Variants in ITGBL1 observed in about 807,000 individuals in gnomAD.
The protein encoded by ITGBL1 is integrin beta-like protein 1.
In ITGBL1, 51 loss-of-function variants were observed where a neutral mutation model predicts 68.5. The ratio of observed to expected loss-of-function variants is 0.74; its 90% confidence interval spans 0.59 to 0.94. The LOEUF is 0.94. Among genes scored for constraint, ITGBL1 ranks in the 40% least tolerant of loss-of-function variants. The pLI, the probability that ITGBL1 is intolerant of heterozygous loss-of-function variation, is 0.00. For missense variants in ITGBL1, 649 were observed against 647.4 expected (o/e 1.00, Z -0.03); for synonymous variants, 209 against 227.3 (o/e 0.92, Z 0.72).
intron 3 of ITGBL1, among the ~76,000 whole-genome samples, chr13:101,573,624 A>G (rs1022011463): frequency 3.3e-5 from 5 of 152,124 alleles, no homozygotes; most frequent in African/African-American, 1.2e-4. Context: ...CATATTCATC[A>G]CTTGGTATTG....
intron 2 of ITGBL1, among the ~76,000 whole-genome samples, chr13:101,477,037 G>T (rs1427037165): frequency 6.6e-6 from 1 of 152,034 alleles, no homozygotes; most frequent in Non-Finnish European, 1.5e-5. Flanking sequence ...GCTGCAAAGT[G>T]CACATGCTTC....
intron 6 of ITGBL1, 73 bp from the exon 7 acceptor site, chr13:101,598,080 G>A (rs1042291214): frequency 5.9e-6 from 8 of 1,354,690 alleles, no homozygotes; most frequent in African/African-American, 1.4e-5. Context: ...GACATTTGCT[G>A]TTAGAATGAA....
chr13:101,604,863 T>TAC lies in ITGBL1; in HGVS notation c.1015+6565_1015+6566insCA, dbSNP rs1229883835. ...TGAAGGCAATATATATATATATATA[T>TAC]ATATATATATATATATATATATATA... On this transcript the variant is annotated intron_variant, in intron 7 of 10. Coordinates refer to ENST00000376180, the MANE Select transcript of ITGBL1 (RefSeq NM_004791.3). Among the ~76,000 whole-genome samples the TAC allele has an allele frequency of 4.2e-3, 88 of 20,840 alleles. 3 individuals carry two copies. Among genetic ancestry groups the TAC allele is most frequent in the African/African-American group, 0.011 (82 of 7,800 alleles). 13.7% of individuals were successfully genotyped at this position (20,840 alleles called of 152,430 possible).
At chr13:101,477,388 A>G (rs2048553529) in intron 2 of ITGBL1, among the ~76,000 whole-genome samples, 1 of 152,080 alleles carries the variant, frequency 6.6e-6, no homozygotes, top group Admixed American at 6.6e-5. Flanking sequence ...AAAAAAGTAC[A>G]AAAACTTCAA....
At chr13:101,615,175 C>T (rs1366556629) in intron 7 of ITGBL1, among the ~76,000 whole-genome samples, 1 of 152,116 alleles carries the variant, frequency 6.6e-6, no homozygotes, top group East Asian at 1.9e-4. Context: ...TCTCTCTTCA[C>T]ATGGCTATCT....
rs117406229 is a variant in ITGBL1 at position 101,609,457 on chromosome 13, G to A, written c.1015+11158G>A. 1.1e-3 allele frequency among the ~76,000 whole-genome samples: 163 copies of A among 152,156 alleles called. 3 individuals carry two copies. In the East Asian group the frequency reaches 0.024, roughly 22 times the overall value. On this transcript the variant is annotated intron_variant, in intron 7 of 10. Coordinates refer to ENST00000376180, the MANE Select transcript of ITGBL1 (RefSeq NM_004791.3). ...AATCTCTCAGTCATATGATGAAGCA[G>A]CATTTACTAAGCTAATGACATAATC... is the stretch of plus-strand genomic sequence containing the variant.
At chr13:101,551,438 G>C (rs1386305543) in intron 2 of ITGBL1, among the ~76,000 whole-genome samples, 1 of 152,132 alleles carries the variant, frequency 6.6e-6, no homozygotes, top group African/African-American at 2.4e-5. Context: ...GAACCAGAAG[G>C]CAAAGAAGTC....
intron 2 of ITGBL1, among the ~76,000 whole-genome samples, chr13:101,526,006 TAAC>T (rs1452247607): frequency 2.0e-5 from 3 of 152,074 alleles, no homozygotes; most frequent in East Asian, 1.9e-4. Flanking sequence ...TTTTGAAAAA[TAAC>T]AACCCTATTT....
intron 8 of ITGBL1, among the ~76,000 whole-genome samples, chr13:101,698,421 G>A (rs2034052814): frequency 6.6e-6 from 1 of 152,182 alleles, no homozygotes; most frequent in Non-Finnish European, 1.5e-5. Context: ...GTACCTGAAG[G>A]TGAATGTAAC....
At chr13:101,490,050 ATATT>A (rs2048753909) in intron 2 of ITGBL1, 1 of 1,102,664 alleles carries the variant, frequency 9.1e-7, no homozygotes, top group Non-Finnish European at 1.3e-6. Flanking sequence ...TATGGACTGA[ATATT>A]TGTTTACCCC....
intron 7 of ITGBL1, among the ~76,000 whole-genome samples, chr13:101,639,054 G>T (rs2032275529): frequency 6.6e-6 from 1 of 152,130 alleles, no homozygotes; most frequent in Non-Finnish European, 1.5e-5. Context: ...TGGCTTACAA[G>T]CATATGGTTT....
chr13:101,657,447 C>T (rs1020118866), intron 7 of ITGBL1, among the ~76,000 whole-genome samples: 9 of 152,096 alleles, frequency 5.9e-5, no homozygotes, highest in African/African-American at 2.2e-4. Context: ...CCTCAAGTGC[C>T]CATCAAACAT....
intron 9 of ITGBL1, among the ~76,000 whole-genome samples, chr13:101,709,371 CAAAAAAAAAAAA>C (rs747662212): frequency 9.8e-5 from 6 of 61,196 alleles, no homozygotes; most frequent in East Asian, 7.9e-4. Flanking sequence ...GACTCCGTCT[CAAAAAAAAAAAA>C]AAAAAAAAAA....
At position 101,575,433 on chromosome 13, in the gene ITGBL1, A is replaced by T. The variant is rs1465741393; in HGVS notation, c.473A>T (p.His158Leu). 1 of 1,612,920 alleles carries T rather than the reference A, an allele frequency of 6.2e-7. No individual in the cohort carries two copies. The highest frequency in any genetic ancestry group is 8.5e-7 in the Non-Finnish European group (1 of 1,179,146). ...TGTTTTCATGGTTTAGGTACATGTC[A>T]CTGTGGCAGGTGTAAGTGTGATAAT... ...DIICSNAGTC[H>L]CGRCKCDNSD... Residue 158 changes from histidine to leucine, a missense_variant, in exon 4 of 11, where the codon CAC becomes CTC. Physicochemically the swap from His to Leu is moderately conservative, Grantham distance 99. Coordinates refer to ENST00000376180, the MANE Select transcript of ITGBL1 (RefSeq NM_004791.3).
intron 7 of ITGBL1, among the ~76,000 whole-genome samples, chr13:101,656,300 A>T (rs1002170818): frequency 2.0e-5 from 3 of 152,188 alleles, no homozygotes; most frequent in Non-Finnish European, 4.4e-5. Context: ...GATTGGGAGA[A>T]CCTGGAAGAA....
intron 2 of ITGBL1, among the ~76,000 whole-genome samples, chr13:101,541,069 T>A (rs2049689049): frequency 7.1e-6 from 1 of 140,494 alleles, no homozygotes; most frequent in Non-Finnish European, 1.5e-5. Flanking sequence ...CTGATTGCCC[T>A]GGCCAGAACT....
chr13:101,710,773 A>G (rs1470138899), intron 9 of ITGBL1: 1 of 152,216 alleles, frequency 6.6e-6, no homozygotes, highest in Non-Finnish European at 1.5e-5. Flanking sequence ...TGCACTTCCC[A>G]TGAGCTGTGA....
intron 7 of ITGBL1, among the ~76,000 whole-genome samples, chr13:101,645,656 G>C (rs923541793): frequency 1.3e-5 from 2 of 152,172 alleles, no homozygotes; most frequent in African/African-American, 4.8e-5. Flanking sequence ...GGGTGAGCCA[G>C]GTAAGCAGCC....
At chr13:101,504,788 T>C (rs112201970) in intron 2 of ITGBL1, among the ~76,000 whole-genome samples, 3 of 152,210 alleles carry the variant, frequency 2.0e-5, no homozygotes, top group Non-Finnish European at 2.9e-5. Context: ...CTTGCTTTGG[T>C]AGCTGCTGCT....
Sources: allele counts gnomAD v4.1 joint callset (sites outside exome capture counted in the v4.1 genomes callset), GRCh38; gene constraint gnomAD v4.1.1; transcripts MANE v1.5; gene names NCBI Gene and HGNC (gene_info 2026-07-23, HGNC 2026-07-21).